Variants in LYPLAL1 observed in about 807,000 individuals in gnomAD.
LYPLAL1 encodes lysophospholipase like 1, also known as lysophospholipase-like protein 1.
In LYPLAL1, 23 loss-of-function variants were observed where a neutral mutation model predicts 19.7. The observed-to-expected ratio is 1.17, with a 90% CI of 0.84 to 1.65. The LOEUF (loss-of-function observed/expected upper bound fraction) is 1.65, where lower values mean the gene tolerates loss of function less well. Among genes scored for constraint, LYPLAL1 ranks in the 40% most tolerant of loss-of-function variants. The pLI is 0.00. For synonymous variants in LYPLAL1, 119 were observed against 96.3 expected (o/e 1.24, Z -1.38); for missense variants, 355 against 279.4 (o/e 1.27, Z -1.93).
the LYPLAL1 span, among the ~76,000 whole-genome samples, chr1:219,226,492 A>C: frequency 6.6e-6 from 1 of 152,180 alleles, no homozygotes; most frequent in African/African-American, 2.4e-5. Flanking sequence ...GAAGCCACGT[A>C]GGTTCTTAAC....
intron 2 of LYPLAL1, 24 bp from the exon 3 acceptor site, chr1:219,193,058 T>TA: frequency 7.5e-6 from 9 of 1,192,570 alleles, no homozygotes; most frequent in Admixed American, 2.6e-5. Context: ...TCTTTTTTTT[T>TA]GGGGGGGGGC....
At chr1:219,420,691 A>G in the LYPLAL1 span, among the ~76,000 whole-genome samples, 4 of 152,160 alleles carry the variant, frequency 2.6e-5, no homozygotes, top group Non-Finnish European at 5.9e-5. Context: ...ATTGCTGACC[A>G]CCTGCAAGAT....
chr1:219,175,145 T>C, intron 1 of LYPLAL1: 1 of 965,926 alleles, frequency 1.0e-6, no homozygotes, highest in Non-Finnish European at 1.2e-6. Flanking sequence ...TTCAGCAGCT[T>C]GGCCAAGGTC....
At chr1:219,338,516 G>A in the LYPLAL1 span, among the ~76,000 whole-genome samples, 93 of 151,864 alleles carry the variant, frequency 6.1e-4, no homozygotes, top group African/African-American at 2.1e-3. Context: ...AACTTGCTGA[G>A]CCTCAGTTTC....
At chr1:219,414,388 C>T in the LYPLAL1 span, among the ~76,000 whole-genome samples, 2 of 152,162 alleles carry the variant, frequency 1.3e-5, no homozygotes, top group Non-Finnish European at 2.9e-5. Context: ...GACTGGCACT[C>T]AATGGAGCCT....
chr1:219,357,875 C>A, the LYPLAL1 span, among the ~76,000 whole-genome samples: 3 of 152,090 alleles, frequency 2.0e-5, no homozygotes, highest in African/African-American at 7.2e-5. Context: ...AGCTATCAAA[C>A]CAAGCAAAGA....
At chr1:219,306,791 TAGAC>T in the LYPLAL1 span, among the ~76,000 whole-genome samples, 13 of 149,840 alleles carry the variant, frequency 8.7e-5, no homozygotes, top group African/African-American at 2.7e-4. Flanking sequence ...GATAGATACA[TAGAC>T]AGATGCATAG....
At chr1:219,300,615 A>C in the LYPLAL1 span, among the ~76,000 whole-genome samples, 192 of 146,174 alleles carry the variant, frequency 1.3e-3, 1 homozygote, top group African/African-American at 4.8e-3. Context: ...GCTCACTGCA[A>C]GCTCTGCCTC....
At chr1:219,272,769 G>A in the LYPLAL1 span, 7 of 150,092 alleles carry the variant, frequency 4.7e-5, no homozygotes, top group South Asian at 2.1e-4. Flanking sequence ...AACGGAGCAA[G>A]ACTCTTAAAA....
the LYPLAL1 span, among the ~76,000 whole-genome samples, chr1:219,417,596 A>G: frequency 6.6e-6 from 1 of 152,226 alleles, no homozygotes; most frequent in East Asian, 1.9e-4. Context: ...TTCTAAATAA[A>G]TGTGAATCTA....
At chr1:219,229,590 T>C in the LYPLAL1 span, among the ~76,000 whole-genome samples, 10 of 152,204 alleles carry the variant, frequency 6.6e-5, no homozygotes, top group Admixed American at 2.6e-4. Flanking sequence ...CAGGGTCCAA[T>C]TGAGCTGGTT....
chr1:219,396,890 A>G, the LYPLAL1 span, among the ~76,000 whole-genome samples: 1 of 152,144 alleles, frequency 6.6e-6, no homozygotes, highest in Non-Finnish European at 1.5e-5. Flanking sequence ...CTCTCTTCCT[A>G]CTTGGATGCC....
At chr1:219,247,711 G>A in the LYPLAL1 span, among the ~76,000 whole-genome samples, 1 of 152,188 alleles carries the variant, frequency 6.6e-6, no homozygotes, top group South Asian at 2.1e-4. Context: ...CTTCAGCTTA[G>A]GAGAGGCACC....
At chr1:219,329,243 A>T in the LYPLAL1 span, among the ~76,000 whole-genome samples, 7 of 152,188 alleles carry the variant, frequency 4.6e-5, no homozygotes, top group Admixed American at 6.5e-5. Context: ...ATGAAAAGAG[A>T]ACTGTCCTTA....
At chr1:219,315,860 C>A in the LYPLAL1 span, among the ~76,000 whole-genome samples, 1 of 152,066 alleles carries the variant, frequency 6.6e-6, no homozygotes, top group African/African-American at 2.4e-5. Context: ...GCAGTCCATC[C>A]CCTAAAAGCT....
At chr1:219,190,003 ATTAACG>A in intron 2 of LYPLAL1, among the ~76,000 whole-genome samples, 1 of 151,740 alleles carries the variant, frequency 6.6e-6, no homozygotes, top group Admixed American at 6.6e-5. Context: ...CTATAATATG[ATTAACG>A]TTATATACTA....
At chr1:219,351,694 C>G in the LYPLAL1 span, among the ~76,000 whole-genome samples, 1 of 152,158 alleles carries the variant, frequency 6.6e-6, no homozygotes, top group African/African-American at 2.4e-5. Flanking sequence ...ATTTTATTCC[C>G]AAAGTTATTC....
the LYPLAL1 span, among the ~76,000 whole-genome samples, chr1:219,437,905 T>A: frequency 6.6e-6 from 1 of 151,992 alleles, no homozygotes; most frequent in Admixed American, 6.6e-5. Context: ...TAGCTGGGAT[T>A]ACAGGCGCCC....
At chr1:219,309,680 A>G in the LYPLAL1 span, among the ~76,000 whole-genome samples, 1 of 152,134 alleles carries the variant, frequency 6.6e-6, no homozygotes, top group East Asian at 1.9e-4. Flanking sequence ...CGCCTTCACC[A>G]TGTAAGAAAT....
Sources: gnomAD v4.1 joint callset for allele counts (sites outside exome capture counted in the v4.1 genomes callset) on GRCh38, gnomAD v4.1.1 for gene constraint, MANE v1.5 for transcripts, NCBI Gene and HGNC (gene_info 2026-07-23, HGNC 2026-07-21) for gene names.